Variants in PCDH15 observed in about 807,000 individuals in gnomAD.
The protein encoded by PCDH15 is protocadherin related 15.
Under a neutral mutation model 178.5 loss-of-function variants are expected in PCDH15, and 129 were observed. The observed-to-expected ratio is 0.72, with a 90% CI of 0.63 to 0.84. The LOEUF is 0.84. Among genes scored for constraint, PCDH15 ranks in the 40% least tolerant of loss-of-function variants. The probability of loss-of-function intolerance (pLI) is 0.00; values close to 1 mark genes in which losing one functional copy is unlikely to be tolerated. For missense variants in PCDH15, 2,230 were observed against 2,099.9 expected, an observed-to-expected ratio of 1.06 and a Z score of -1.21; for synonymous variants, 800 against 732.0, an observed-to-expected ratio of 1.09 and a Z score of -1.50.
chr10:55,521,504 A>C (rs1304637831), intron 2 of PCDH15, among the ~76,000 whole-genome samples: 5 of 151,976 alleles, frequency 3.3e-5, no homozygotes. Flanking sequence ...GGAGGCCTGG[A>C]ACTTATAATA....
In PCDH15 at chr10:54,195,762, G is replaced by T. The variant is rs1327809035; in HGVS notation, c.1226C>A (p.Pro409Gln). The T allele has an allele frequency of 6.2e-7, 1 of 1,614,078 alleles. No homozygotes were observed. Among genetic ancestry groups the T allele is most frequent in the African/African-American group, 1.3e-5 (1 of 75,048 alleles). Reference protein sequence around the residue: ...SYQGYILESAPVGATISDSLN... With the variant: ...SYQGYILESAQVGATISDSLN... ...ACTGTCCGAAATGGTTGCTCCCACT[G>T]GGGCAGATTCCAGGATATAGCCTTG... is the stretch of plus-strand genomic sequence containing the variant. Residue 409 changes from proline (P) to glutamine (Q), a missense_variant, in exon 11 of 38, where the codon CCA becomes CAA. Coordinates refer to ENST00000644397, the MANE Select transcript of PCDH15 (RefSeq NM_001384140.1).
intron 2 of PCDH15, among the ~76,000 whole-genome samples, chr10:55,556,207 T>C (rs1344208196): frequency 6.6e-6 from 1 of 152,146 alleles, no homozygotes; most frequent in Non-Finnish European, 1.5e-5. Context: ...GCCCTAGTGG[T>C]GAACACTTAG....
chr10:54,425,432 AAG>A (rs1956157938), intron 3 of PCDH15, among the ~76,000 whole-genome samples: 1 of 152,122 alleles, frequency 6.6e-6, no homozygotes, highest in South Asian at 2.1e-4. Context: ...AGGCTCTCAA[AAG>A]ATATGCCCCA....
intron 7 of PCDH15, among the ~76,000 whole-genome samples, chr10:54,319,203 T>C (rs182884377): frequency 2.5e-4 from 38 of 152,310 alleles, no homozygotes; most frequent in Non-Finnish European, 4.4e-4. Flanking sequence ...TTCTATTTTG[T>C]ACAACATTGA....
At chr10:55,221,195 C>T (rs1346271306) in intron 1 of PCDH15, among the ~76,000 whole-genome samples, 5 of 151,950 alleles carry the variant, frequency 3.3e-5, no homozygotes, top group African/African-American at 1.2e-4. Context: ...AGTGTGTGTC[C>T]AAGAACAGGC....
chr10:54,620,170 G>A (rs948683972), intron 2 of PCDH15, among the ~76,000 whole-genome samples: 1 of 151,872 alleles, frequency 6.6e-6, no homozygotes, highest in Non-Finnish European at 1.5e-5. Flanking sequence ...GTTCTTTACA[G>A]AAAAAGTTTG....
chr10:55,171,932 A>G (rs988617766), intron 1 of PCDH15, among the ~76,000 whole-genome samples: 16 of 152,180 alleles, frequency 1.1e-4, no homozygotes, highest in Non-Finnish European at 2.1e-4. Flanking sequence ...ATCAATGCCA[A>G]CAAGCTTTTA....
rs71185272 is a variant in PCDH15, at chr10:54,421,816, G to GTA, written c.158-42876_158-42875dup. ...TTATATAGGTACATGTGTAGTGTGT[G>GTA]TATATATATATATATATATATACAC... On this transcript the variant is annotated intron_variant, in intron 3 of 37. Transcript: ENST00000644397. Among the ~76,000 whole-genome samples the GTA allele has an allele frequency of 9.4e-3, 1,014 of 107,940 alleles. 20 individuals are homozygous for GTA. The highest frequency in any genetic ancestry group is 0.026 in the East Asian group (106 of 4,102). The allele number at this position is 107,940 out of a possible 152,430, so 70.8% of individuals were successfully genotyped here.
chr10:55,042,455 C>T (rs187143957), intron 2 of PCDH15, among the ~76,000 whole-genome samples: 75 of 151,792 alleles, frequency 4.9e-4, no homozygotes, highest in Non-Finnish European at 8.4e-4. Context: ...TGCAGTAACA[C>T]GATATTATGT....
rs545536114 is a variant in PCDH15 at position 54,304,270 on chromosome 10, A to C, written c.876+13001T>G. On this transcript the variant is annotated intron_variant, in intron 8 of 37. Transcript: ENST00000644397. ...AAATCGCACTGAAAACAGAGCTACT[A>C]TAAATTGTATTCGCCTCTATATACC... Among the ~76,000 whole-genome samples the C allele has an allele frequency of 2.0e-5, 3 of 152,276 alleles. No individual in the cohort carries two copies. The South Asian group carries it at 6.2e-4, about 32-fold the overall frequency.
intron 27 of PCDH15, among the ~76,000 whole-genome samples, 158 bp downstream of exon 27, chr10:53,866,484 A>G (rs2079460296): frequency 6.7e-6 from 1 of 150,362 alleles, no homozygotes; most frequent in Admixed American, 6.6e-5. Context: ...ATATATTTAC[A>G]TATTCCTAAA....
At chr10:54,412,795 C>G (rs146038118) in intron 3 of PCDH15, among the ~76,000 whole-genome samples, 1,579 of 152,278 alleles carry the variant, frequency 0.01, 31 homozygotes, top group African/African-American at 0.034. Context: ...GACCCCGGCT[C>G]ACTGCAATCT....
At chr10:54,174,634 T>C (rs113511568) in intron 13 of PCDH15, among the ~76,000 whole-genome samples, 273 of 151,908 alleles carry the variant, frequency 1.8e-3, no homozygotes, top group African/African-American at 5.8e-3. Flanking sequence ...GTTTCAAGAA[T>C]AACTTTTTCC....
chr10:54,248,794 A>T (rs2132052105), intron 8 of PCDH15, among the ~76,000 whole-genome samples: 1 of 152,238 alleles, frequency 6.6e-6, no homozygotes, highest in South Asian at 2.1e-4. Context: ...GTGTACTTTG[A>T]TCCAAGTATC....
At chr10:54,084,940 AC>A (rs2094493750) in intron 16 of PCDH15, among the ~76,000 whole-genome samples, 1 of 152,134 alleles carries the variant, frequency 6.6e-6, no homozygotes, top group African/African-American at 2.4e-5. Flanking sequence ...TTTAAAATGT[AC>A]AGTTGCTTCA....
intron 2 of PCDH15, among the ~76,000 whole-genome samples, chr10:55,145,765 A>C (rs1261331430): frequency 1.6e-5 from 2 of 128,756 alleles, no homozygotes; most frequent in Non-Finnish European, 3.6e-5. Context: ...AGAACAAAAA[A>C]ATATTATTTT....
At chr10:55,300,917 A>G (rs999358519) in intron 1 of PCDH15, among the ~76,000 whole-genome samples, 2 of 152,206 alleles carry the variant, frequency 1.3e-5, no homozygotes, top group African/African-American at 2.4e-5. Context: ...CATCTATAGA[A>G]TATTTTCATC....
chr10:54,666,956 A>AT (rs1363744538), intron 1 of PCDH15, among the ~76,000 whole-genome samples: 1 of 152,008 alleles, frequency 6.6e-6, no homozygotes, highest in Non-Finnish European at 1.5e-5. Flanking sequence ...TAAAATCATT[A>AT]ATGTCACTGC....
At chr10:55,240,682 T>C (rs1401127952) in intron 1 of PCDH15, among the ~76,000 whole-genome samples, 1 of 152,234 alleles carries the variant, frequency 6.6e-6, no homozygotes, top group Non-Finnish European at 1.5e-5. Flanking sequence ...CTTACTGATG[T>C]TTTTATGACA....
Sources: allele counts gnomAD v4.1 joint callset (sites outside exome capture counted in the v4.1 genomes callset), GRCh38; gene constraint gnomAD v4.1.1; transcripts MANE v1.5; gene names NCBI Gene and HGNC (gene_info 2026-07-23, HGNC 2026-07-21).